Variants in TNRC6C observed in about 807,000 individuals in gnomAD.
TNRC6C encodes the protein trinucleotide repeat-containing gene 6C protein.
Under a neutral mutation model 153.7 loss-of-function variants are expected in TNRC6C, and 20 were observed. The ratio of observed to expected loss-of-function variants is 0.13; its 90% CI spans 0.09 to 0.19. The LOEUF (loss-of-function observed/expected upper bound fraction) is 0.19, where lower values mean the gene tolerates loss of function less well. Among genes scored for constraint, TNRC6C ranks in the 10% least tolerant of loss-of-function variants. TNRC6C has a pLI of 1.00. For synonymous variants in TNRC6C, 811 were observed against 841.4 expected (o/e 0.96, Z 0.63); for missense variants, 1,987 against 2,172.0 (o/e 0.91, Z 1.69).
intron 1 of TNRC6C, among the ~76,000 whole-genome samples, chr17:77,987,682 T>TTGTTTTTTGGAGACAGAGTCTCTCTC: frequency 6.6e-6 from 1 of 152,120 alleles, no homozygotes; most frequent in East Asian, 1.9e-4. Flanking sequence ...TGTTGTTTGT[T>TTGTTTTTTGGAGACAGAGTCTCTCTC]TGTTTTTTGG....
chr17:78,072,352 A>G (rs1387039640), intron 6 of TNRC6C, among the ~76,000 whole-genome samples: 2 of 152,218 alleles, frequency 1.3e-5, no homozygotes, highest in Non-Finnish European at 2.9e-5. Context: ...TGTTTCTTAG[A>G]GAAAAGTTGT....
chr17:77,959,438 G>A (rs949759232), intron 1 of TNRC6C, among the ~76,000 whole-genome samples, 170 bp downstream of exon 1: 5 of 151,400 alleles, frequency 3.3e-5, no homozygotes, highest in Non-Finnish European at 7.4e-5. Context: ...GGAAGCGGCC[G>A]GGGCCGGGGC....
intron 1 of TNRC6C, among the ~76,000 whole-genome samples, chr17:78,030,181 G>A (rs1413369388): frequency 4.6e-5 from 7 of 151,538 alleles, no homozygotes; most frequent in African/African-American, 1.2e-4. Context: ...ACGGAGTCTC[G>A]CTCTGTCACC....
intron 1 of TNRC6C, among the ~76,000 whole-genome samples, chr17:77,980,200 G>T (rs1326908155): frequency 2.0e-5 from 3 of 152,186 alleles, no homozygotes; most frequent in Admixed American, 6.5e-5. Flanking sequence ...TAAAAATATT[G>T]ATAGGTGCAG....
Position 78,064,848 on chromosome 17 carries a change from G to A in TNRC6C, c.2522G>A (p.Gly841Asp), listed in dbSNP as rs2072841020. 6.2e-7 allele frequency: 1 copy of A among 1,613,398 alleles called. No homozygotes were observed. Among genetic ancestry groups the A allele is most frequent in the Non-Finnish European group, 8.5e-7 (1 of 1,179,728 alleles). ...GCATGGGGGAAGCCACCCAGCAGTG[G>A]CAGCGGGTGGGGAGATCACCCTGCA... is the stretch of plus-strand genomic sequence containing the variant. Residue 841 changes from glycine to aspartate, a missense_variant, in exon 4 of 20, where the codon GGC becomes GAC. This residue lies in a region of TNRC6C where 765 missense variants were observed against 908.6 expected (regional missense o/e 0.84). Coordinates refer to ENST00000301624, the Ensembl canonical transcript of TNRC6C.
upstream of TNRC6C, among the ~76,000 whole-genome samples, chr17:78,000,850 G>A (rs1310217219): frequency 1.3e-5 from 2 of 152,074 alleles, no homozygotes; most frequent in Non-Finnish European, 2.9e-5. Flanking sequence ...CTAACAAAAA[G>A]ACTGGTAATT....
intron 1 of TNRC6C, among the ~76,000 whole-genome samples, chr17:77,984,373 A>C (rs1056815520): frequency 2.6e-5 from 4 of 151,912 alleles, no homozygotes; most frequent in Non-Finnish European, 5.9e-5. Flanking sequence ...AAAAAACAAA[A>C]AAAAAAACAG....
chr17:78,042,824 G>GT (rs1427747141), intron 2 of TNRC6C, among the ~76,000 whole-genome samples: 16 of 151,842 alleles, frequency 1.1e-4, no homozygotes, highest in African/African-American at 3.6e-4. Context: ...GGTGATGGTC[G>GT]TAACAGTGGT....
At chr17:77,968,965 G>T (rs902034368) in intron 1 of TNRC6C, among the ~76,000 whole-genome samples, 1 of 152,170 alleles carries the variant, frequency 6.6e-6, no homozygotes, top group Non-Finnish European at 1.5e-5. Context: ...TGAACACAGC[G>T]TTCTTTCATT....
exon 4 of TNRC6C, chr17:78,064,737 G>A: frequency 2.5e-6 from 4 of 1,613,674 alleles, no homozygotes; most frequent in South Asian, 1.1e-5. Context: ...TCAGGCTGGG[G>A]AGAAATGCCT....
At chr17:78,077,250 C>T in exon 9 of TNRC6C, 2 of 1,601,130 alleles carry the variant, frequency 1.2e-6, no homozygotes, top group South Asian at 1.1e-5. Context: ...TGAAGCTCCC[C>T]CTTTCACACA....
exon 20 of TNRC6C, chr17:78,105,610 T>A (rs2073679511): frequency 6.6e-6 from 1 of 151,894 alleles, no homozygotes. Context: ...CCTACGTGTG[T>A]GTATGTGTGC....
At chr17:78,017,400 C>T (rs751268134) in intron 1 of TNRC6C, among the ~76,000 whole-genome samples, 3 of 152,138 alleles carry the variant, frequency 2.0e-5, no homozygotes, top group Non-Finnish European at 4.4e-5. Flanking sequence ...TGCATTCCTG[C>T]TCAGGTGGCG....
At chr17:78,031,488 G>T in intron 1 of TNRC6C, 28 bp from the exon 4 acceptor site, 1 of 1,230,754 alleles carries the variant, frequency 8.1e-7, no homozygotes, top group South Asian at 4.1e-5. Flanking sequence ...CTAAAGTTTT[G>T]GGTTCTTTTG....
chr17:78,064,820 G>A, exon 4 of TNRC6C: 1 of 1,613,848 alleles, frequency 6.2e-7, no homozygotes, highest in Non-Finnish European at 8.5e-7. Context: ...TAATGGCACA[G>A]CAGCATGGGG....
chr17:78,050,720 A>G, exon 3 of TNRC6C: 2 of 1,583,246 alleles, frequency 1.3e-6, no homozygotes, highest in Non-Finnish European at 1.7e-6. Context: ...GCTGCTGCCA[A>G]GAGTGGCCAT....
chr17:78,008,110 AT>A (rs1345908148), intron 1 of TNRC6C, among the ~76,000 whole-genome samples: 1 of 152,216 alleles, frequency 6.6e-6, no homozygotes, highest in Non-Finnish European at 1.5e-5. Context: ...ACTTAAAAAA[AT>A]GTTTGCATCT....
chr17:78,099,564 G>T (rs1215658779), intron 17 of TNRC6C, among the ~76,000 whole-genome samples: 1 of 152,084 alleles, frequency 6.6e-6, no homozygotes, highest in Non-Finnish European at 1.5e-5. Flanking sequence ...TCACTATCAC[G>T]AGAACAGCAT....
chr17:78,084,291 A>C (rs952792520), intron 11 of TNRC6C, among the ~76,000 whole-genome samples: 1 of 151,906 alleles, frequency 6.6e-6, no homozygotes, highest in Non-Finnish European at 1.5e-5. Context: ...AGAAAAAAAA[A>C]AAAGAAAATC....
Sources: allele counts gnomAD v4.1 joint callset (sites outside exome capture counted in the v4.1 genomes callset), GRCh38; gene constraint gnomAD v4.1.1; regional missense constraint gnomAD v4.1.1; transcripts MANE v1.5; gene names NCBI Gene and HGNC (gene_info 2026-07-23, HGNC 2026-07-21).